The following PPP6R3 variants were observed in gnomAD, a reference collection of about 807,000 sequenced individuals.
PPP6R3 encodes serine/threonine-protein phosphatase 6 regulatory subunit 3.
In PPP6R3, 38 loss-of-function variants were observed where a neutral mutation model predicts 110.7. That is an observed-to-expected ratio of 0.34 (90% CI 0.26 to 0.45). The LOEUF (loss-of-function observed/expected upper bound fraction) is 0.45, where lower values mean the gene tolerates loss of function less well. Ranked by LOEUF, PPP6R3 falls within the 20% of genes least tolerant of loss-of-function variation. The pLI, the probability that PPP6R3 is intolerant of heterozygous loss-of-function variation, is 1.00. For missense variants in PPP6R3, 870 were observed against 1,062.4 expected (o/e 0.82, Z 2.52); for synonymous variants, 369 against 373.5 (o/e 0.99, Z 0.14).
intron 1 of PPP6R3, among the ~76,000 whole-genome samples, chr11:68,513,674 A>G (rs2099121748): frequency 6.6e-6 from 1 of 152,334 alleles, no homozygotes; most frequent in South Asian, 2.1e-4. Flanking sequence ...GCCCATTCAC[A>G]CATAGCGCCA....
Position 68,575,966 on chromosome 11 carries a change from G to A in PPP6R3, c.1468G>A (p.Asp490Asn), listed in dbSNP as rs771453632. The change falls in exon 14 of 24, where the codon GAC (aspartate) becomes AAC (asparagine). Residue 490 changes from aspartate (D) to asparagine (N), a missense_variant. By Grantham distance (23) the Asp-to-Asn change is conservative. Transcript: ENST00000393800. ...CTTTTCTCACTCTGAAGATCTTCCC[G>A]ACGAAGTCAGGGAACGATGGGAGAC... ...LVQQLIKDLP[D>N]EVRERWETFC... The A allele has an allele frequency of 8.7e-6, 14 of 1,609,402 alleles. No individual in the cohort carries two copies. Among genetic ancestry groups the A allele is most frequent in the Admixed American group, 8.4e-5 (5 of 59,712 alleles).
chr11:68,608,558 A>C (rs903794590), intron 22 of PPP6R3, among the ~76,000 whole-genome samples: 8 of 152,200 alleles, frequency 5.3e-5, no homozygotes, highest in Admixed American at 1.3e-4. Context: ...TCAAGTACTG[A>C]GAAACGCCCA....
chr11:68,568,252 A>G (rs981897625), intron 10 of PPP6R3, among the ~76,000 whole-genome samples: 1 of 152,216 alleles, frequency 6.6e-6, no homozygotes, highest in Non-Finnish European at 1.5e-5. Context: ...CCTACCTTCT[A>G]GTGTATAAAA....
intron 21 of PPP6R3, 96 bp from the exon 22 acceptor site, chr11:68,603,246 G>A: frequency 6.8e-7 from 1 of 1,475,522 alleles, no homozygotes; most frequent in Non-Finnish European, 9.2e-7. Context: ...TCTTCAAGCA[G>A]TAGATGTCAC....
intron 1 of PPP6R3, among the ~76,000 whole-genome samples, chr11:68,473,872 A>T (rs1466142723): frequency 6.6e-6 from 1 of 152,180 alleles, no homozygotes; most frequent in Non-Finnish European, 1.5e-5. Flanking sequence ...ATTTGCATAC[A>T]AGTCTTTGGG....
At chr11:68,493,523 C>T (rs2098996181) in intron 1 of PPP6R3, among the ~76,000 whole-genome samples, 2 of 150,620 alleles carry the variant, frequency 1.3e-5, no homozygotes, top group Non-Finnish European at 2.9e-5. Context: ...ATTTTCAGCC[C>T]TGGGTTCAAA....
rs200862900 is a variant in PPP6R3, at chr11:68,610,174, ATGAGCTGAGTCCGAC to A, written c.2570+161_2570+175del. ...CAGGACAGGGTTTTCTCAGTCCTTA[ATGAGCTGAGTCCGAC>A]TGAGCTGAGAACTTAGAAACAGCAG... On this transcript the variant is annotated intron_variant, in intron 23 of 23. Transcript: ENST00000393800. 9.1e-4 allele frequency: 999 copies of A among 1,093,280 alleles called. 10 individuals carry two copies. In the East Asian group the frequency reaches 0.019, roughly 21 times the overall value. 67.7% of individuals were successfully genotyped at this position (1,093,280 alleles called of 1,614,324 possible). A position where few individuals can be genotyped will look rare whatever the true frequency, so the allele number is the denominator to read the frequency against.
rs543236339 is a variant in PPP6R3 at position 68,587,830 on chromosome 11, A to G, written c.1633-97A>G. On this transcript the variant is annotated intron_variant, in intron 15 of 23. Coordinates refer to ENST00000393800, the MANE Select transcript of PPP6R3 (RefSeq NM_001164161.2). ...CACCAACTTTTATAGCCCTATGGCT[A>G]TGTAAATAAGATGATTTCTGGAACA... is the stretch of plus-strand genomic sequence containing the variant. The G allele has an allele frequency of 3.2e-4, 322 of 1,018,396 alleles. No homozygotes were observed. In the African/African-American group the frequency reaches 4.5e-3, roughly 14 times the overall value. The allele number at this position is 1,018,396 out of a possible 1,614,324, so 63.1% of individuals were successfully genotyped here. A position where few individuals can be genotyped will look rare whatever the true frequency, so the allele number is the denominator to read the frequency against.
intron 1 of PPP6R3, among the ~76,000 whole-genome samples, chr11:68,497,919 G>T (rs1487591412): frequency 6.6e-6 from 1 of 152,084 alleles, no homozygotes; most frequent in African/African-American, 2.4e-5. Flanking sequence ...ATAGATAAAA[G>T]AACCTTGGTT....
chr11:68,583,205 C>A, intron 15 of PPP6R3, 76 bp downstream of exon 15: 1 of 1,140,920 alleles, frequency 8.8e-7, no homozygotes, highest in Non-Finnish European at 1.2e-6. Context: ...GAATCAGCTT[C>A]AGAGTCAGAT....
At chr11:68,565,923 G>A (rs190698189) in intron 9 of PPP6R3, among the ~76,000 whole-genome samples, 36 of 152,254 alleles carry the variant, frequency 2.4e-4, no homozygotes, top group Non-Finnish European at 2.4e-4. Flanking sequence ...GTGAGTCCTC[G>A]GGAGGATGGG....
intron 18 of PPP6R3, among the ~76,000 whole-genome samples, chr11:68,594,051 TG>T (rs2099603865): frequency 1.3e-5 from 2 of 151,738 alleles, no homozygotes; most frequent in South Asian, 2.1e-4. Flanking sequence ...CAAGTATATA[TG>T]AAAACACAAA....
At chr11:68,527,324 G>A (rs2099204235) in intron 2 of PPP6R3, among the ~76,000 whole-genome samples, 1 of 152,156 alleles carries the variant, frequency 6.6e-6, no homozygotes, top group African/African-American at 2.4e-5. Flanking sequence ...TCTCCAATCT[G>A]TCTTTCACAT....
chr11:68,580,337 TGATGTATATTTTTAAAAGATG>T (rs1389389508), intron 14 of PPP6R3, among the ~76,000 whole-genome samples: 1 of 152,110 alleles, frequency 6.6e-6, no homozygotes, highest in Non-Finnish European at 1.5e-5. Context: ...TGCCATACCT[TGATGTATATTTTTAAAAGATG>T]GCTGTGGCTA....
intron 7 of PPP6R3, 87 bp downstream of exon 7, chr11:68,554,344 A>G: frequency 9.9e-7 from 1 of 1,010,948 alleles, no homozygotes; most frequent in Non-Finnish European, 1.4e-6. Context: ...AGTGTTCCTT[A>G]TGTGGGAATC....
At chr11:68,569,552 T>C (rs1190661706) in intron 10 of PPP6R3, among the ~76,000 whole-genome samples, 196 bp from the exon 11 acceptor site, 1 of 152,240 alleles carries the variant, frequency 6.6e-6, no homozygotes, top group Non-Finnish European at 1.5e-5. Flanking sequence ...CATGGTTGAC[T>C]GTGGGTAACT....
chr11:68,604,665 A>G (rs1938446341), intron 22 of PPP6R3, among the ~76,000 whole-genome samples: 1 of 152,252 alleles, frequency 6.6e-6, no homozygotes, highest in African/African-American at 2.4e-5. Flanking sequence ...TAGCAGGTTT[A>G]CTGGAGACAT....
In PPP6R3 at chr11:68,532,233, A is replaced by G. The variant is rs147769000; in HGVS notation, c.-6-5426A>G. ...ATTTTAGAGGGTCATTAAGTAAAGC[A>G]GTTGATCTTCGATGAATAGATTTAC... On this transcript the variant is annotated intron_variant, in intron 2 of 23. Coordinates refer to ENST00000393800, the MANE Select transcript of PPP6R3 (RefSeq NM_001164161.2). Among the ~76,000 whole-genome samples the G allele has an allele frequency of 1.4e-3, 214 of 152,318 alleles. 1 individual carries two copies. Among genetic ancestry groups the G allele is most frequent in the African/African-American group, 4.8e-3 (200 of 41,562 alleles).
chr11:68,524,327 T>C (rs1480808178), intron 2 of PPP6R3, among the ~76,000 whole-genome samples: 1 of 152,192 alleles, frequency 6.6e-6, no homozygotes, highest in African/African-American at 2.4e-5. Flanking sequence ...ACTTTATCCC[T>C]CCAGGTAGTG....
Sources: allele counts gnomAD v4.1 joint callset (sites outside exome capture counted in the v4.1 genomes callset), GRCh38; gene constraint gnomAD v4.1.1; transcripts MANE v1.5; gene names NCBI Gene and HGNC (gene_info 2026-07-23, HGNC 2026-07-21).